Variants in ARFGEF3 observed in about 807,000 individuals in gnomAD.
ARFGEF3 encodes the protein ARFGEF family member 3.
A neutral mutation model predicts 221.7 loss-of-function variants in ARFGEF3; 96 were observed. The ratio of observed to expected loss-of-function variants is 0.43; its 90% confidence interval spans 0.37 to 0.51. The LOEUF (loss-of-function observed/expected upper bound fraction) is 0.51. Among genes scored for constraint, ARFGEF3 ranks in the 20% least tolerant of loss-of-function variants. ARFGEF3 has a pLI of 0.00. For synonymous variants in ARFGEF3, 1,145 were observed against 1,126.8 expected (o/e 1.02, Z -0.32); for missense variants, 2,410 against 2,789.9 (o/e 0.86, Z 3.07).
intron 12 of ARFGEF3, among the ~76,000 whole-genome samples, chr6:138,265,249 A>G (rs529895516): frequency 2.4e-4 from 36 of 152,282 alleles, no homozygotes; most frequent in African/African-American, 8.4e-4. Context: ...AGCAAGCACC[A>G]AAGGAGACAC....
intron 2 of ARFGEF3, among the ~76,000 whole-genome samples, chr6:138,196,864 G>A (rs977097654): frequency 6.6e-6 from 1 of 151,698 alleles, no homozygotes; most frequent in Non-Finnish European, 1.5e-5. Flanking sequence ...ACGGAGTTTC[G>A]CTCTTGTGGC....
intron 2 of ARFGEF3, among the ~76,000 whole-genome samples, chr6:138,175,895 AG>A (rs1562342819): frequency 6.6e-6 from 1 of 152,140 alleles, no homozygotes; most frequent in Non-Finnish European, 1.5e-5. Context: ...CTTTAGGTCC[AG>A]TAATATTTGT....
At chr6:138,215,133 C>T (rs923883238) in intron 4 of ARFGEF3, among the ~76,000 whole-genome samples, 3 of 152,224 alleles carry the variant, frequency 2.0e-5, no homozygotes, top group African/African-American at 7.2e-5. Context: ...GAGCCATGTA[C>T]GGATCTAATG....
rs1779300989 is a variant in ARFGEF3 at position 138,286,684 on chromosome 6, A to C, written c.2570-17A>C. 2 of 1,611,262 alleles carry C rather than the reference A, an allele frequency of 1.2e-6. No homozygotes were observed. Among genetic ancestry groups the C allele is most frequent in the East Asian group, 4.5e-5 (2 of 44,884 alleles). On this transcript the variant is annotated splice_polypyrimidine_tract_variant and intron_variant, in intron 15 of 33. Transcript: ENST00000251691. ...TTTTTGTCTCTAGAAAATGACACAC[A>C]CCCCTCCATGTTCCAGGCGTGGCAT...
intron 1 of ARFGEF3, among the ~76,000 whole-genome samples, chr6:138,164,907 G>A (rs372400672): frequency 1.3e-5 from 2 of 152,012 alleles, no homozygotes; most frequent in African/African-American, 4.8e-5. Flanking sequence ...GAGGTCAACC[G>A]CTACTTAGGT....
chr6:138,319,278 TAAAA>T (rs371788391), intron 27 of ARFGEF3, among the ~76,000 whole-genome samples: 4,396 of 142,614 alleles, frequency 0.031, 208 homozygotes, highest in African/African-American at 0.11. Context: ...ATTGTTAAGT[TAAAA>T]AAAAAAAAAA....
At chr6:138,287,271 C>T (rs1385351250) in intron 17 of ARFGEF3, 87 bp downstream of exon 17, 6 of 971,068 alleles carry the variant, frequency 6.2e-6, no homozygotes, top group Admixed American at 2.1e-5. Context: ...AGCCAACACT[C>T]GTGCCTGTTC....
At chr6:138,321,680 T>G (rs971364812) in intron 29 of ARFGEF3, among the ~76,000 whole-genome samples, 4 of 152,222 alleles carry the variant, frequency 2.6e-5, no homozygotes, top group African/African-American at 9.7e-5. Context: ...TTGGAGGCTC[T>G]TCAAACTAAA....
At chr6:138,190,432 C>T (rs577609903) in intron 2 of ARFGEF3, among the ~76,000 whole-genome samples, 76 of 152,128 alleles carry the variant, frequency 5.0e-4, no homozygotes, top group African/African-American at 1.7e-3. Flanking sequence ...TGATGAGCAG[C>T]GTGTGATTCT....
intron 22 of ARFGEF3, among the ~76,000 whole-genome samples, chr6:138,301,037 A>G (rs1396261333): frequency 2.0e-5 from 3 of 152,246 alleles, no homozygotes; most frequent in Non-Finnish European, 2.9e-5. Flanking sequence ...TTTAAAAAAC[A>G]AACAATAAAC....
intron 31 of ARFGEF3, among the ~76,000 whole-genome samples, chr6:138,325,967 C>T (rs1780120233): frequency 6.6e-6 from 1 of 152,158 alleles, no homozygotes; most frequent in Non-Finnish European, 1.5e-5. Context: ...AGTGATTCTC[C>T]TGCCTCAGCC....
At chr6:138,248,777 A>G (rs1778530910) in intron 8 of ARFGEF3, among the ~76,000 whole-genome samples, 1 of 152,150 alleles carries the variant, frequency 6.6e-6, no homozygotes, top group African/African-American at 2.4e-5. Context: ...ATGAGCTGAG[A>G]CTGCGCCATT....
rs747099029 is a variant in ARFGEF3 at position 138,194,989 on chromosome 6, A to ATTTTTTTTTTTTTTT, written c.138-12036_138-12022dup. 1.6e-3 allele frequency among the ~76,000 whole-genome samples: 134 copies of ATTTTTTTTTTTTTTT among 84,116 alleles called. 7 individuals carry two copies. The highest frequency in any genetic ancestry group is 2.2e-3 in the Non-Finnish European group (101 of 46,514). 55.2% of individuals were successfully genotyped at this position (84,116 alleles called of 152,430 possible). The stretch of plus-strand genomic sequence containing the variant: ...TCAAACTAACTTCACCTTTTCCCTA[A>ATTTTTTTTTTTTTTT]TTTTTTTTTTTTTTTTTTTTTTTTT... On this transcript the variant is annotated intron_variant, in intron 2 of 33. Coordinates refer to ENST00000251691, the MANE Select transcript of ARFGEF3 (RefSeq NM_020340.5).
At chr6:138,287,387 A>G (rs1466106296) in intron 17 of ARFGEF3, among the ~76,000 whole-genome samples, 5 of 152,194 alleles carry the variant, frequency 3.3e-5, no homozygotes. Context: ...TCTCTGGAGA[A>G]TGAGAGACAT....
At chr6:138,222,796 A>G (rs1778004766) in intron 4 of ARFGEF3, among the ~76,000 whole-genome samples, 1 of 152,168 alleles carries the variant, frequency 6.6e-6, no homozygotes, top group African/African-American at 2.4e-5. Flanking sequence ...GTGGTAAAGT[A>G]TGAGATTTAG....
chr6:138,257,480 C>T (rs915177182), intron 10 of ARFGEF3, among the ~76,000 whole-genome samples: 1 of 152,170 alleles, frequency 6.6e-6, no homozygotes, highest in Non-Finnish European at 1.5e-5. Context: ...GGATGTTCCT[C>T]CTCATAGAAG....
At chr6:138,219,626 T>A (rs1777940740) in intron 4 of ARFGEF3, among the ~76,000 whole-genome samples, 1 of 152,102 alleles carries the variant, frequency 6.6e-6, no homozygotes, top group Non-Finnish European at 1.5e-5. Context: ...TGACTGGCAG[T>A]GACATGGGCA....
intron 30 of ARFGEF3, 78 bp from the exon 31 acceptor site, chr6:138,323,943 CAG>C: frequency 6.3e-7 from 1 of 1,575,912 alleles, no homozygotes; most frequent in Non-Finnish European, 8.6e-7. Flanking sequence ...GTCTCAGACA[CAG>C]TGACGATCTC....
intron 2 of ARFGEF3, among the ~76,000 whole-genome samples, chr6:138,173,832 G>A (rs181432793): frequency 7.0e-4 from 106 of 152,204 alleles, no homozygotes; most frequent in Middle Eastern, 3.4e-3. Flanking sequence ...ATGAATATAC[G>A]CATATGTACA....
Sources: allele counts gnomAD v4.1 joint callset (sites outside exome capture counted in the v4.1 genomes callset), GRCh38; gene constraint gnomAD v4.1.1; transcripts MANE v1.5; gene names NCBI Gene and HGNC (gene_info 2026-07-23, HGNC 2026-07-21).